CNNM2: variants seen among roughly 807,000 people sequenced by gnomAD.
CNNM2 encodes metal transporter CNNM2.
CNNM2 carries 12 observed loss-of-function variants against 66.9 expected under a neutral mutation model. The ratio of observed to expected loss-of-function variants is 0.18; its 90% CI spans 0.11 to 0.29. The LOEUF (loss-of-function observed/expected upper bound fraction) is 0.29, where lower values mean the gene tolerates loss of function less well. Ranked by LOEUF, CNNM2 falls within the 10% of genes least tolerant of loss-of-function variation. CNNM2 has a pLI of 1.00. For missense variants in CNNM2, 705 were observed against 1,167.7 expected, an observed-to-expected ratio of 0.60 and a Z score of 5.77; for synonymous variants, 557 against 501.8, an observed-to-expected ratio of 1.11 and a Z score of -1.47.
intron 1 of CNNM2, among the ~76,000 whole-genome samples, chr10:102,957,267 C>T (rs554975273): frequency 6.6e-6 from 1 of 152,308 alleles, no homozygotes; most frequent in Admixed American, 6.5e-5. Flanking sequence ...GATTGCACCA[C>T]TGCACTCCAG....
chr10:102,928,941 A>T (rs1039027350), intron 1 of CNNM2, among the ~76,000 whole-genome samples: 2 of 152,250 alleles, frequency 1.3e-5, no homozygotes, highest in African/African-American at 2.4e-5. Context: ...TGTCCTTATA[A>T]TTATTATTGG....
At position 103,078,171 on chromosome 10, in the gene CNNM2, C is replaced by G. The variant is rs1252636395; in HGVS notation, c.*991C>G. 1 of 152,314 alleles carries G rather than the reference C, an allele frequency of 6.6e-6. No homozygotes were observed. The highest frequency in any genetic ancestry group is 2.4e-5 in the African/African-American group (1 of 41,458). 9.4% of individuals were successfully genotyped at this position (152,314 alleles called of 1,614,324 possible). Reference sequence around the variant, plus strand: ...AACACGTGATGTGGAGTGCAAGCTCCTCCCCTTCCCACTAGAACATACTTT... The same window carrying G: ...AACACGTGATGTGGAGTGCAAGCTCGTCCCCTTCCCACTAGAACATACTTT... On this transcript the variant is annotated 3_prime_UTR_variant, in exon 8 of 8. Coordinates refer to ENST00000369878, the MANE Select transcript of CNNM2 (RefSeq NM_017649.5).
chr10:103,071,732 G>A, intron 5 of CNNM2, 42 bp from the exon 6 acceptor site: 2 of 1,487,912 alleles, frequency 1.3e-6, no homozygotes, highest in Non-Finnish European at 9.4e-7. Flanking sequence ...CTCTGTTCTT[G>A]CCTTTTGATG....
At chr10:102,978,189 G>A (rs957201154) in intron 1 of CNNM2, among the ~76,000 whole-genome samples, 2 of 149,650 alleles carry the variant, frequency 1.3e-5, no homozygotes, top group Admixed American at 6.7e-5. Context: ...GATGACGGAC[G>A]TAAGCCACCA....
chr10:103,068,656 G>C lies in CNNM2; in HGVS notation c.2101G>C (p.Glu701Gln). Residue 701 changes from glutamate to glutamine, a missense_variant, in exon 5 of 8, where the codon GAA becomes CAA. This residue lies in a region of CNNM2 where 194 missense variants were observed against 227.6 expected (regional missense o/e 0.85). Coordinates refer to ENST00000369878, the MANE Select transcript of CNNM2 (RefSeq NM_017649.5). ...GAAAGTGGAAGTTGAAGCTGGGAAA[G>C]AAGGTATGAAGTTTGAAGCGAGCGC... ...QGKVEVEAGK[E>Q]GMKFEASAFS... The C allele has an allele frequency of 6.2e-7, 1 of 1,613,002 alleles. No individual in the cohort carries two copies. Among genetic ancestry groups the C allele is most frequent in the Non-Finnish European group, 8.5e-7 (1 of 1,179,540 alleles).
chr10:102,934,343 C>T (rs189819220), intron 1 of CNNM2, among the ~76,000 whole-genome samples: 50 of 145,308 alleles, frequency 3.4e-4, no homozygotes, highest in Non-Finnish European at 5.1e-4. Flanking sequence ...TGCTGTGGTG[C>T]GATCTCTGCT....
intron 4 of CNNM2, among the ~76,000 whole-genome samples, chr10:103,059,392 G>C: frequency 6.6e-6 from 1 of 152,278 alleles, no homozygotes. Flanking sequence ...GTAATTGATA[G>C]GAATATAATT....
intron 1 of CNNM2, among the ~76,000 whole-genome samples, chr10:102,949,931 G>A (rs1166946429): frequency 6.6e-6 from 1 of 152,194 alleles, no homozygotes; most frequent in Admixed American, 6.5e-5. Context: ...CAATCTGTTT[G>A]ATAATACTGG....
At chr10:103,028,538 AAG>A (rs1478935812) in intron 1 of CNNM2, among the ~76,000 whole-genome samples, 1 of 152,200 alleles carries the variant, frequency 6.6e-6, no homozygotes, top group Non-Finnish European at 1.5e-5. Context: ...TGGTGCCAAT[AAG>A]AGTTAAAATA....
At chr10:102,920,203 C>T in intron 1 of CNNM2, 102 bp downstream of exon 1, 1 of 1,607,630 alleles carries the variant, frequency 6.2e-7, no homozygotes, top group Non-Finnish European at 8.5e-7. Context: ...GGCGAGTTGA[C>T]CGGGATTTCT....
chr10:102,930,426 A>G (rs1846025705), intron 1 of CNNM2, among the ~76,000 whole-genome samples: 1 of 152,208 alleles, frequency 6.6e-6, no homozygotes, highest in Non-Finnish European at 1.5e-5. Flanking sequence ...CAAATCTGCT[A>G]AGAACATTAT....
At chr10:102,958,082 A>G (rs1207309490) in intron 1 of CNNM2, among the ~76,000 whole-genome samples, 1 of 151,872 alleles carries the variant, frequency 6.6e-6, no homozygotes, top group Non-Finnish European at 1.5e-5. Flanking sequence ...GATTACAGGC[A>G]TGTGCCACCA....
chr10:103,076,403 T>G, intron 7 of CNNM2, 133 bp downstream of exon 7: 1 of 824,190 alleles, frequency 1.2e-6, no homozygotes. Context: ...CCTTCCATTC[T>G]CAACTACACA....
intron 1 of CNNM2, among the ~76,000 whole-genome samples, chr10:103,010,177 C>G (rs1380117696): frequency 6.6e-6 from 1 of 151,944 alleles, no homozygotes; most frequent in African/African-American, 2.4e-5. Flanking sequence ...GAAACATGTT[C>G]ATATACAAGA....
intron 2 of CNNM2, among the ~76,000 whole-genome samples, chr10:103,052,102 C>T (rs2065223405): frequency 6.6e-6 from 1 of 151,646 alleles, no homozygotes; most frequent in African/African-American, 2.4e-5. Flanking sequence ...TGGTGAAACC[C>T]TGACTCTACT....
chr10:102,963,230 G>A lies in CNNM2; in HGVS notation c.1621+43129G>A, dbSNP rs1008316576. On this transcript the variant is annotated intron_variant, in intron 1 of 7. Coordinates refer to ENST00000369878, the MANE Select transcript of CNNM2 (RefSeq NM_017649.5). Reference sequence around the variant, plus strand: ...AGGACTAAGTAAGTAGTTCCAAAAAGAGAAACCTTTTAAAAATGGAAAAAG... The same window carrying A: ...AGGACTAAGTAAGTAGTTCCAAAAAAAGAAACCTTTTAAAAATGGAAAAAG... Among the ~76,000 whole-genome samples, 21 of 152,132 alleles carry A rather than the reference G, an allele frequency of 1.4e-4. No homozygotes were observed. The highest frequency in any genetic ancestry group is 2.6e-4 in the Admixed American group (4 of 15,260).
At chr10:103,046,662 A>T (rs956992664) in intron 1 of CNNM2, among the ~76,000 whole-genome samples, 1 of 152,214 alleles carries the variant, frequency 6.6e-6, no homozygotes, top group African/African-American at 2.4e-5. Flanking sequence ...TCTAAAACAA[A>T]CAGTAGAAGA....
chr10:102,976,031 C>A (rs925003966), intron 1 of CNNM2, among the ~76,000 whole-genome samples: 5 of 152,032 alleles, frequency 3.3e-5, no homozygotes, highest in African/African-American at 1.2e-4. Context: ...ATTGAGAAAC[C>A]TTGATGGTTT....
intron 1 of CNNM2, among the ~76,000 whole-genome samples, chr10:103,028,814 C>CTTTT (rs67846722): frequency 8.7e-5 from 11 of 126,172 alleles, no homozygotes; most frequent in South Asian, 2.5e-4. Flanking sequence ...TTTTCTTTTT[C>CTTTT]TTTTTTTTTT....
Sources: allele counts gnomAD v4.1 joint callset (sites outside exome capture counted in the v4.1 genomes callset), GRCh38; gene constraint gnomAD v4.1.1; regional missense constraint gnomAD v4.1.1; transcripts MANE v1.5; gene names NCBI Gene and HGNC (gene_info 2026-07-23, HGNC 2026-07-21).